The following GRK5 variants were observed in gnomAD, a reference collection of about 807,000 sequenced individuals.
The protein encoded by GRK5 is G protein-coupled receptor kinase 5.
In GRK5, 40 loss-of-function variants were observed where a neutral mutation model predicts 78.4. That is an observed-to-expected ratio of 0.51 (90% CI 0.40 to 0.66). GRK5 has a LOEUF of 0.66. Ranked by LOEUF, GRK5 falls within the 30% of genes least tolerant of loss-of-function variation. The pLI is 0.00. For synonymous variants in GRK5, 289 were observed against 296.8 expected (o/e 0.97, Z 0.27); for missense variants, 598 against 759.9 (o/e 0.79, Z 2.50).
At chr10:119,262,014 G>A (rs150048243) in intron 1 of GRK5, among the ~76,000 whole-genome samples, 10 of 152,342 alleles carry the variant, frequency 6.6e-5, no homozygotes, top group African/African-American at 2.4e-4. Context: ...CTAATGAGAT[G>A]TTGATACGAT....
intron 3 of GRK5, among the ~76,000 whole-genome samples, chr10:119,386,001 C>T (rs1194924806): frequency 2.0e-5 from 3 of 152,162 alleles, no homozygotes; most frequent in Non-Finnish European, 4.4e-5. Flanking sequence ...CCTCCTGCCT[C>T]AGCCTCCCAA....
chr10:119,365,421 C>T (rs900592943), intron 2 of GRK5, among the ~76,000 whole-genome samples: 2 of 152,192 alleles, frequency 1.3e-5, no homozygotes, highest in Non-Finnish European at 2.9e-5. Context: ...TGTGTGGCAT[C>T]GATCACAGGC....
At chr10:119,334,295 C>T (rs1222142585) in intron 2 of GRK5, among the ~76,000 whole-genome samples, 2 of 152,050 alleles carry the variant, frequency 1.3e-5, no homozygotes, top group African/African-American at 4.8e-5. Flanking sequence ...GGTGACAGAG[C>T]GAGACCCTCT....
In GRK5 at chr10:119,448,138, G is replaced by A. The variant is rs149580250; in HGVS notation, c.1282G>A (p.Ala428Thr). The change falls in exon 13 of 16, where the codon GCG (alanine) becomes ACG (threonine). Residue 428 changes from alanine to threonine, a missense_variant. By Grantham distance (58) the Ala-to-Thr change is moderately conservative. Coordinates refer to ENST00000392870, the MANE Select transcript of GRK5 (RefSeq NM_005308.3). Reference sequence around the variant, plus strand: ...TCTGTTTCAGCTGCTCACGAAAGATGCGAAGCAGAGGCTGGGCTGCCAGGA... The same window carrying A: ...TCTGTTTCAGCTGCTCACGAAAGATACGAAGCAGAGGCTGGGCTGCCAGGA... ...SICKMLLTKD[A>T]KQRLGCQEEG... The A allele has an allele frequency of 4.8e-5, 75 of 1,559,876 alleles. No homozygotes were observed. The highest frequency in any genetic ancestry group is 6.3e-5 in the Non-Finnish European group (73 of 1,159,584).
intron 8 of GRK5, among the ~76,000 whole-genome samples, chr10:119,436,184 A>G (rs1302549592): frequency 6.6e-6 from 1 of 152,216 alleles, no homozygotes; most frequent in African/African-American, 2.4e-5. Flanking sequence ...TGCAAGAGAA[A>G]GCCTTTACCA....
Position 119,217,006 on chromosome 10 carries a change from CT to C in GRK5, c.52+9041del, listed in dbSNP as rs1211390866. Among the ~76,000 whole-genome samples, 2 of 152,114 alleles carry C rather than the reference CT, an allele frequency of 1.3e-5. No individual in the cohort carries two copies. Among genetic ancestry groups the C allele is most frequent in the African/African-American group, 4.8e-5 (2 of 41,414 alleles). ...TGTTCAAGGTCACTTGAACTGTGGA[CT>C]TTTGGGGAGCAATTGCAAGTGGATC... On this transcript the variant is annotated intron_variant, in intron 1 of 15. Transcript: ENST00000392870. This position sits in a 1 kb window ranked among gnomAD's most constrained non-coding sequence, Gnocchi z 4.1.
At position 119,443,629 on chromosome 10, in the gene GRK5, C is replaced by T. The variant is rs773148972; in HGVS notation, c.1143C>T (p.Gly381=). The T allele has an allele frequency of 9.3e-6, 15 of 1,613,506 alleles. No homozygotes were observed. The highest frequency in any genetic ancestry group is 1.3e-5 in the Non-Finnish European group (15 of 1,179,928). ...LGCLIYEMIE[G]QSPFRGRKEK... ...GCCTCATCTATGAGATGATCGAGGG[C>T]CAGTCGCCGTTCCGCGGCCGCAAGG... The change falls in exon 12 of 16, where the codon GGC becomes GGT. Residue 381 remains glycine (G), a synonymous_variant. Coordinates refer to ENST00000392870, the MANE Select transcript of GRK5 (RefSeq NM_005308.3).
At chr10:119,250,707 A>G (rs1172206154) in intron 1 of GRK5, among the ~76,000 whole-genome samples, 1 of 152,210 alleles carries the variant, frequency 6.6e-6, no homozygotes. Flanking sequence ...TGACTGGATC[A>G]GAGCTACACA....
intron 2 of GRK5, among the ~76,000 whole-genome samples, chr10:119,346,052 C>A (rs1229852821): frequency 6.6e-6 from 1 of 151,980 alleles, no homozygotes; most frequent in Non-Finnish European, 1.5e-5. Context: ...CCCAAGGAAC[C>A]CTTGCCATGG....
chr10:119,213,771 C>T (rs1848526018), intron 1 of GRK5, among the ~76,000 whole-genome samples: 1 of 152,242 alleles, frequency 6.6e-6, no homozygotes, highest in Non-Finnish European at 1.5e-5. Context: ...ACCCTTCCCC[C>T]ACCCCTGCTT....
intron 1 of GRK5, among the ~76,000 whole-genome samples, chr10:119,311,053 G>T (rs867362985): frequency 3.3e-5 from 5 of 152,212 alleles, no homozygotes; most frequent in Admixed American, 6.5e-5. Flanking sequence ...CTTCCGCCTT[G>T]CTGGGAAGGT....
intron 3 of GRK5, among the ~76,000 whole-genome samples, chr10:119,387,221 C>T (rs1407262357): frequency 6.6e-6 from 1 of 152,096 alleles, no homozygotes; most frequent in Non-Finnish European, 1.5e-5. Context: ...CTGGTCTGGT[C>T]CTGAATTCCT....
At position 119,423,214 on chromosome 10, in the gene GRK5, G is replaced by A; in HGVS notation, c.388G>A (p.Glu130Lys). 1.9e-6 allele frequency: 3 copies of A among 1,614,170 alleles called. No homozygotes were observed. The highest frequency in any genetic ancestry group is 2.5e-6 in the Non-Finnish European group (3 of 1,180,014). The change falls in exon 5 of 16, where the codon GAG becomes AAG. Residue 130 changes from glutamate (E) to lysine (K), a missense_variant. Transcript: ENST00000392870. ...QVGQDLVSQT[E>K]EKLLQKPCKE... The stretch of plus-strand genomic sequence containing the variant: ...TGGCCAAGACCTGGTCTCCCAGACG[G>A]AGGAGAAGCTCCTACAGAAGCCGTG...
rs577965311 is a variant in GRK5 at position 119,424,912 on chromosome 10, T to A, written c.441-81T>A. The stretch of plus-strand genomic sequence containing the variant: ...TTGAGAGGCCCTGTTTACTTGCATT[T>A]CCAAAGCTGGACACAGCTTTGCCCC... On this transcript the variant is annotated intron_variant, in intron 5 of 15. Coordinates refer to ENST00000392870, the MANE Select transcript of GRK5 (RefSeq NM_005308.3). The A allele has an allele frequency of 1.6e-5, 16 of 1,008,958 alleles. 1 individual carries two copies. The highest frequency in any genetic ancestry group is 2.5e-5 in the Non-Finnish European group (16 of 629,746). The allele number at this position is 1,008,958 out of a possible 1,614,324, so 62.5% of individuals were successfully genotyped here.
intron 1 of GRK5, among the ~76,000 whole-genome samples, chr10:119,322,790 A>G (rs1850608281): frequency 6.6e-6 from 1 of 152,122 alleles, no homozygotes; most frequent in South Asian, 2.1e-4. Flanking sequence ...TAATCCAGCA[A>G]TTTCCCTCCT....
Position 119,454,972 on chromosome 10 carries a change from C to G in GRK5, c.1678C>G (p.Gln560Glu). Residue 560 changes from glutamine (Q) to glutamate (E), a missense_variant, in exon 16 of 16, where the codon CAG (glutamine) becomes GAG (glutamate). Physicochemically the swap from Gln to Glu is conservative, Grantham distance 29. Transcript: ENST00000392870. Reference protein sequence around the residue: ...LLQRLFKRQHQNNSKSSPSSK... With the variant: ...LLQRLFKRQHENNSKSSPSSK... Reference sequence around the variant, plus strand: ...TCTCCCCCAACCCCAACCCCAGCATCAGAACAATTCCAAGAGTTCGCCCAG... The same window carrying G: ...TCTCCCCCAACCCCAACCCCAGCATGAGAACAATTCCAAGAGTTCGCCCAG... 6.2e-7 allele frequency: 1 copy of G among 1,610,758 alleles called. No homozygotes were observed.
intron 4 of GRK5, among the ~76,000 whole-genome samples, chr10:119,422,483 T>TAAGACCAA (rs1852589577): frequency 6.6e-6 from 1 of 152,192 alleles, no homozygotes; most frequent in Admixed American, 6.5e-5. Flanking sequence ...GCTGAGCAGT[T>TAAGACCAA]AAGACCAAGG....
At chr10:119,346,287 C>T (rs951072247) in intron 2 of GRK5, among the ~76,000 whole-genome samples, 5 of 152,316 alleles carry the variant, frequency 3.3e-5, no homozygotes, top group East Asian at 1.9e-4. Flanking sequence ...GGAGCATGCC[C>T]GTGCAGCCCT....
At chr10:119,422,025 G>A (rs1296700329) in intron 4 of GRK5, among the ~76,000 whole-genome samples, 3 of 152,194 alleles carry the variant, frequency 2.0e-5, no homozygotes, top group Admixed American at 2.0e-4. Context: ...AGGAGGCAAG[G>A]CTTTCAGATT....
Sources: gnomAD v4.1 joint callset for allele counts (sites outside exome capture counted in the v4.1 genomes callset) on GRCh38, gnomAD v4.1.1 for gene constraint, Gnocchi (gnomAD v3.1) non-coding constraint, MANE v1.5 for transcripts, NCBI Gene and HGNC (gene_info 2026-07-23, HGNC 2026-07-21) for gene names.